ATP9B: variants seen among roughly 807,000 people sequenced by gnomAD.
ATP9B encodes the protein ATPase phospholipid transporting 9B, also known as probable phospholipid-transporting ATPase IIB.
A neutral mutation model predicts 146.1 loss-of-function variants in ATP9B; 110 were observed. That is an observed-to-expected ratio of 0.75 (90% CI 0.65 to 0.88). ATP9B has a LOEUF of 0.88. ATP9B is among the 40% of genes least tolerant of loss of function. ATP9B has a pLI of 0.00. For missense variants in ATP9B, 1,499 were observed against 1,496.4 expected (o/e 1.00, Z -0.03); for synonymous variants, 604 against 569.7 (o/e 1.06, Z -0.86).
intron 1 of ATP9B, chr18:79,085,855 A>G (rs1254471706): frequency 6.6e-6 from 1 of 152,216 alleles, no homozygotes; most frequent in Non-Finnish European, 1.5e-5. Context: ...TTGGGAAAAT[A>G]TTAGTGTTTC....
intron 11 of ATP9B, among the ~76,000 whole-genome samples, chr18:79,217,192 A>G (rs1211629280): frequency 2.6e-5 from 4 of 152,006 alleles, no homozygotes; most frequent in Non-Finnish European, 5.9e-5. Flanking sequence ...TTATTTATTT[A>G]TTTATTTTTT....
At chr18:79,170,248 G>A (rs898040406) in intron 7 of ATP9B, among the ~76,000 whole-genome samples, 1 of 152,208 alleles carries the variant, frequency 6.6e-6, no homozygotes, top group Admixed American at 6.5e-5. Flanking sequence ...GGGTGGCATC[G>A]ATTCCTAGTG....
At chr18:79,359,101 A>G (rs1203100202) in intron 25 of ATP9B, among the ~76,000 whole-genome samples, 3 of 152,142 alleles carry the variant, frequency 2.0e-5, no homozygotes, top group African/African-American at 4.8e-5. Flanking sequence ...AATGATCTCA[A>G]CATAGAAAGG....
rs190921292 is a variant in ATP9B at position 79,250,619 on chromosome 18, A to G, written c.1108-2762A>G. The stretch of plus-strand genomic sequence containing the variant: ...CTATTTTTCTCAATAATTCAAGCAT[A>G]AACTATGTAGTAGTTGAAGTAGCGG... On this transcript the variant is annotated intron_variant, in intron 11 of 29. Transcript: ENST00000426216. 4.0e-3 allele frequency among the ~76,000 whole-genome samples: 610 copies of G among 152,354 alleles called. 6 individuals carry two copies. The highest frequency in any genetic ancestry group is 5.4e-3 in the Non-Finnish European group (369 of 68,036).
chr18:79,373,987 G>T lies in ATP9B; in HGVS notation c.3160G>T (p.Glu1054Ter), dbSNP rs746205390. 6.2e-7 allele frequency: 1 copy of T among 1,614,134 alleles called. No homozygotes were observed. Among genetic ancestry groups the T allele is most frequent in the Admixed American group, 1.7e-5 (1 of 60,026 alleles). Residue 1054 changes from glutamate (E) to a stop codon, truncating the protein, a stop_gained, in exon 28 of 30, where the codon GAG (glutamate) becomes TAG (stop). Transcript: ENST00000426216. LOFTEE classifies it high-confidence loss of function. ...AISFTALILT[E>*]LLMVALTVRT... Reference sequence around the variant, plus strand: ...CTCCTTCACCGCACTGATCCTGACCGAGCTGCTGATGGTGGCGCTGACCGT... The same window carrying T: ...CTCCTTCACCGCACTGATCCTGACCTAGCTGCTGATGGTGGCGCTGACCGT...
chr18:79,327,470 C>T (rs1444392891), intron 15 of ATP9B, among the ~76,000 whole-genome samples: 1 of 151,090 alleles, frequency 6.6e-6, no homozygotes, highest in Admixed American at 6.6e-5. Flanking sequence ...TTAGCGTGTT[C>T]TCCGTGGTTA....
intron 10 of ATP9B, chr18:79,209,664 G>T: frequency 2.0e-6 from 2 of 985,350 alleles, no homozygotes; most frequent in Non-Finnish European, 2.4e-6. Flanking sequence ...TCAGTGTTGT[G>T]TCTTCCTAGT....
chr18:79,221,848 A>G lies in ATP9B; in HGVS notation c.1107+7810A>G, dbSNP rs183101437. Among the ~76,000 whole-genome samples the G allele has an allele frequency of 1.1e-3, 158 of 148,282 alleles. 4 individuals are homozygous for G. The highest frequency in any genetic ancestry group is 2.0e-3 in the Admixed American group (30 of 14,772). ...TTTAAACTTCTAGTTCTCCTCAGCTAACATCCCCAAACTTCTTTGGCCAAT... is the reference window on the plus strand; with the variant it reads ...TTTAAACTTCTAGTTCTCCTCAGCTGACATCCCCAAACTTCTTTGGCCAAT... On this transcript the variant is annotated intron_variant, in intron 11 of 29. Coordinates refer to ENST00000426216, the MANE Select transcript of ATP9B (RefSeq NM_198531.5).
intron 7 of ATP9B, among the ~76,000 whole-genome samples, chr18:79,157,252 C>A (rs2094800616): frequency 7.0e-6 from 1 of 143,100 alleles, no homozygotes; most frequent in South Asian, 2.1e-4. Flanking sequence ...ACACACTAGC[C>A]AGTCATGGTG....
chr18:79,214,403 G>T (rs78452816), intron 11 of ATP9B, among the ~76,000 whole-genome samples: 1,606 of 152,206 alleles, frequency 0.011, 10 homozygotes, highest in Non-Finnish European at 0.015. Flanking sequence ...AAAGCAATCT[G>T]TATTAATGTT....
intron 1 of ATP9B, among the ~76,000 whole-genome samples, chr18:79,086,617 A>G (rs745444245): frequency 3.3e-5 from 5 of 152,040 alleles, no homozygotes; most frequent in Non-Finnish European, 4.4e-5. Context: ...CTAATTGGCT[A>G]TATAGCTTCA....
chr18:79,131,353 G>A (rs201677744), intron 5 of ATP9B, among the ~76,000 whole-genome samples: 7 of 152,116 alleles, frequency 4.6e-5, no homozygotes, highest in African/African-American at 1.7e-4. Flanking sequence ...TAGAAAATAG[G>A]CAAAGGACCT....
At chr18:79,339,833 C>T (rs140667210) in intron 19 of ATP9B, among the ~76,000 whole-genome samples, 2 of 152,018 alleles carry the variant, frequency 1.3e-5, no homozygotes, top group East Asian at 1.9e-4. Flanking sequence ...GTAGGAAGTG[C>T]GTCATGAGGC....
rs369090167 is a variant in ATP9B at position 79,168,635 on chromosome 18, A to T, written c.779-8178A>T. Among the ~76,000 whole-genome samples the T allele has an allele frequency of 7.9e-5, 12 of 152,302 alleles. No homozygotes were observed. The East Asian group carries it at 2.3e-3, about 29-fold the overall frequency. ...AGATAGGCCATGACTGGCACTTCAT[A>T]AGTAGATGCTTAGTAAATGTCAGTA... On this transcript the variant is annotated intron_variant, in intron 7 of 29. Transcript: ENST00000426216.
intron 11 of ATP9B, among the ~76,000 whole-genome samples, chr18:79,246,278 CGCCCT>C: frequency 1.5e-5 from 1 of 66,502 alleles, no homozygotes. Context: ...CGGAGGGCAC[CGCCCT>C]ACTGTCTGTG....
chr18:79,362,743 G>A (rs2096997732), intron 26 of ATP9B: 1 of 152,202 alleles, frequency 6.6e-6, no homozygotes, highest in Admixed American at 6.5e-5. Flanking sequence ...ATCTCAGACT[G>A]TGGCTGTGAA....
chr18:79,315,404 T>C lies in ATP9B; in HGVS notation c.1773+8170T>C, dbSNP rs1568658648. 3.3e-5 allele frequency among the ~76,000 whole-genome samples: 5 copies of C among 152,350 alleles called. No homozygotes were observed. In the South Asian group the frequency reaches 1.0e-3, roughly 32 times the overall value. ...ATACTACGTAGCCTATCTGTGAATA[T>C]TGATTAGCAGCTTTTTCAGATGATC... is the stretch of plus-strand genomic sequence containing the variant. On this transcript the variant is annotated intron_variant, in intron 15 of 29. Transcript: ENST00000426216.
At chr18:79,375,751 C>T in intron 29 of ATP9B, 1 of 985,402 alleles carries the variant, frequency 1.0e-6, no homozygotes, top group Non-Finnish European at 1.2e-6. Context: ...CTTCCAGGGT[C>T]TTCAGAAAAT....
intron 2 of ATP9B, among the ~76,000 whole-genome samples, chr18:79,097,418 T>A (rs1426052255): frequency 2.6e-5 from 4 of 151,704 alleles, no homozygotes; most frequent in African/African-American, 9.7e-5. Context: ...ACTTCATTCC[T>A]CTTCTTAATT....
Sources: allele counts gnomAD v4.1 joint callset (sites outside exome capture counted in the v4.1 genomes callset), GRCh38; gene constraint gnomAD v4.1.1; transcripts MANE v1.5; gene names NCBI Gene and HGNC (gene_info 2026-07-23, HGNC 2026-07-21).